ATRNL1: variants seen among roughly 807,000 people sequenced by gnomAD.
ATRNL1 encodes attractin like 1, also known as attractin-like protein 1.
A neutral mutation model predicts 182.7 loss-of-function variants in ATRNL1; 95 were observed. The observed-to-expected ratio is 0.52, with a 90% CI of 0.44 to 0.62. The LOEUF is 0.62. Among genes scored for constraint, ATRNL1 ranks in the 20% least tolerant of loss-of-function variants. The pLI is 0.00. For missense variants in ATRNL1, 1,471 were observed against 1,679.5 expected, an observed-to-expected ratio of 0.88 and a Z score of 2.17; for synonymous variants, 576 against 568.3, an observed-to-expected ratio of 1.01 and a Z score of -0.19.
intron 26 of ATRNL1, among the ~76,000 whole-genome samples, chr10:115,694,028 C>A (rs1421991851): frequency 2.6e-5 from 4 of 151,956 alleles, no homozygotes; most frequent in Admixed American, 2.6e-4. Flanking sequence ...GTCATAATAC[C>A]AGATGACTAT....
chr10:115,220,195 G>A (rs140980488), intron 9 of ATRNL1, among the ~76,000 whole-genome samples: 1 of 152,282 alleles, frequency 6.6e-6, no homozygotes, highest in African/African-American at 2.4e-5. Flanking sequence ...GCAATAGGCA[G>A]GATCAACTCT....
intron 22 of ATRNL1, among the ~76,000 whole-genome samples, chr10:115,462,482 C>G (rs542040811): frequency 1.3e-5 from 2 of 151,842 alleles, no homozygotes; most frequent in Non-Finnish European, 2.9e-5. Flanking sequence ...CATGATGGTG[C>G]GCGCCTATAG....
At chr10:115,638,160 TC>T (rs1289758508) in intron 26 of ATRNL1, among the ~76,000 whole-genome samples, 1 of 152,146 alleles carries the variant, frequency 6.6e-6, no homozygotes, top group Non-Finnish European at 1.5e-5. Flanking sequence ...ACATTTTAAA[TC>T]TTTTATCCTG....
chr10:115,636,427 G>A (rs1490399673), intron 26 of ATRNL1, among the ~76,000 whole-genome samples: 3 of 152,160 alleles, frequency 2.0e-5, no homozygotes, highest in Non-Finnish European at 4.4e-5. Flanking sequence ...CAAATGTACT[G>A]TAAGACCAAC....
At chr10:115,567,821 C>G (rs1276601738) in intron 26 of ATRNL1, among the ~76,000 whole-genome samples, 1 of 151,996 alleles carries the variant, frequency 6.6e-6, no homozygotes, top group Non-Finnish European at 1.5e-5. Flanking sequence ...AATACATTCT[C>G]CAAAAAATCT....
chr10:115,456,414 C>T (rs1406857630), intron 21 of ATRNL1, among the ~76,000 whole-genome samples: 1 of 152,082 alleles, frequency 6.6e-6, no homozygotes, highest in East Asian at 1.9e-4. Flanking sequence ...TGTTCTCACT[C>T]ATAAGTGGGA....
intron 19 of ATRNL1, among the ~76,000 whole-genome samples, chr10:115,375,477 T>C (rs1039273424): frequency 4.6e-5 from 7 of 152,210 alleles, no homozygotes; most frequent in Middle Eastern, 3.4e-3. Flanking sequence ...AAGTAATTAC[T>C]GATAAATATT....
At chr10:115,333,268 G>A (rs1554935617) in intron 18 of ATRNL1, among the ~76,000 whole-genome samples, 2 of 152,170 alleles carry the variant, frequency 1.3e-5, no homozygotes, top group African/African-American at 2.4e-5. Context: ...GGCACAAAGA[G>A]CATGAGCCTT....
At chr10:115,220,153 C>T (rs1338181083) in intron 9 of ATRNL1, among the ~76,000 whole-genome samples, 1 of 152,168 alleles carries the variant, frequency 6.6e-6, no homozygotes, top group African/African-American at 2.4e-5. Context: ...TTTTGAACTG[C>T]AGTCTCTCCT....
At chr10:115,895,968 G>A (rs1952196437) in intron 28 of ATRNL1, among the ~76,000 whole-genome samples, 1 of 152,142 alleles carries the variant, frequency 6.6e-6, no homozygotes, top group African/African-American at 2.4e-5. Context: ...GATCTACCAG[G>A]TGGATGAGGT....
At chr10:115,672,182 C>G (rs1237309099) in intron 26 of ATRNL1, among the ~76,000 whole-genome samples, 1 of 152,048 alleles carries the variant, frequency 6.6e-6, no homozygotes, top group Non-Finnish European at 1.5e-5. Flanking sequence ...TTCTAGATGT[C>G]TTTATATGAT....
At chr10:115,502,342 T>G (rs528505316) in intron 24 of ATRNL1, among the ~76,000 whole-genome samples, 1 of 152,284 alleles carries the variant, frequency 6.6e-6, no homozygotes, top group African/African-American at 2.4e-5. Flanking sequence ...ACATAATTTA[T>G]AATTTGATTT....
intron 26 of ATRNL1, among the ~76,000 whole-genome samples, chr10:115,624,880 T>G (rs1255729000): frequency 6.6e-6 from 1 of 152,208 alleles, no homozygotes; most frequent in African/African-American, 2.4e-5. Flanking sequence ...AGTTTCTAAG[T>G]TGGATCTGCA....
At position 115,541,778 on chromosome 10, in the gene ATRNL1, CA is replaced by C. The variant is rs201282618; in HGVS notation, c.3717-7678del. ...TATTTGTAAAAAATTTAGCAATAGA[CA>C]AGACTGAAGTATGGCATTAAAAATA... On this transcript the variant is annotated intron_variant, in intron 25 of 28. Transcript: ENST00000355044. Among the ~76,000 whole-genome samples, 44 of 152,094 alleles carry C rather than the reference CA, an allele frequency of 2.9e-4. No homozygotes were observed. In the East Asian group the frequency reaches 8.3e-3, roughly 29 times the overall value.
At chr10:115,895,059 G>C (rs1228638273) in intron 28 of ATRNL1, among the ~76,000 whole-genome samples, 1 of 152,286 alleles carries the variant, frequency 6.6e-6, no homozygotes, top group Non-Finnish European at 1.5e-5. Context: ...GCTGAAGTGG[G>C]CTATGTAATT....
At chr10:115,738,682 T>C (rs1301464962) in intron 27 of ATRNL1, among the ~76,000 whole-genome samples, 5 of 152,268 alleles carry the variant, frequency 3.3e-5, no homozygotes, top group Admixed American at 3.3e-4. Flanking sequence ...AGTTTCATGA[T>C]TGATTGAAGC....
intron 28 of ATRNL1, among the ~76,000 whole-genome samples, chr10:115,887,572 A>T (rs748195803): frequency 7.2e-4 from 109 of 151,942 alleles, no homozygotes; most frequent in Non-Finnish European, 1.4e-3. Context: ...TCCTAATACC[A>T]TCACACTGGT....
intron 26 of ATRNL1, among the ~76,000 whole-genome samples, chr10:115,563,908 A>C (rs1555000631): frequency 6.6e-6 from 1 of 152,034 alleles, no homozygotes; most frequent in Non-Finnish European, 1.5e-5. Context: ...AAAATAATAT[A>C]ATTAGAAAAA....
intron 26 of ATRNL1, among the ~76,000 whole-genome samples, chr10:115,641,107 G>A (rs1226344294): frequency 6.6e-6 from 1 of 152,080 alleles, no homozygotes; most frequent in Non-Finnish European, 1.5e-5. Context: ...CCCTGATCTG[G>A]AAGATGAGCC....
Sources: allele counts gnomAD v4.1 joint callset (sites outside exome capture counted in the v4.1 genomes callset), GRCh38; gene constraint gnomAD v4.1.1; transcripts MANE v1.5; gene names NCBI Gene and HGNC (gene_info 2026-07-23, HGNC 2026-07-21).